Variants in PRP4K observed in about 807,000 individuals in gnomAD.
The protein encoded by PRP4K is pre-mRNA processing factor kinase PRP4K.
chr6:4,048,605 A>G, the PRP4K span, among the ~76,000 whole-genome samples: 1 of 151,940 alleles, frequency 6.6e-6, no homozygotes, highest in African/African-American at 2.4e-5. Flanking sequence ...GTCCTAGACT[A>G]AAGTGCAGAG....
the PRP4K span, among the ~76,000 whole-genome samples, chr6:4,047,901 TACACACACACACACACACACACAC>T: frequency 2.1e-5 from 3 of 142,004 alleles, no homozygotes; most frequent in Non-Finnish European, 4.6e-5. Flanking sequence ...CATGTATATG[TACACACACACACACACACACACAC>T]ACACACACAC....
the PRP4K span, chr6:4,049,917 G>T: frequency 6.3e-7 from 1 of 1,588,654 alleles, no homozygotes; most frequent in Non-Finnish European, 8.6e-7. Flanking sequence ...TTAACAGTAC[G>T]GATACTTACA....
the PRP4K span, chr6:4,052,002 T>C: frequency 1.9e-6 from 3 of 1,599,212 alleles, no homozygotes; most frequent in South Asian, 1.1e-5. Flanking sequence ...AAAAACTTAA[T>C]GATGCTGATC....
the PRP4K span, among the ~76,000 whole-genome samples, chr6:4,022,672 A>G: frequency 6.6e-6 from 1 of 152,188 alleles, no homozygotes; most frequent in Non-Finnish European, 1.5e-5. Context: ...GGAATTTTTA[A>G]TTAAGGGCTT....
the PRP4K span, chr6:4,056,575 C>T: frequency 2.5e-6 from 4 of 1,596,226 alleles, no homozygotes; most frequent in Non-Finnish European, 2.6e-6. Context: ...CAAGTTCATC[C>T]TCCTCAGGTG....
the PRP4K span, chr6:4,052,049 A>G: frequency 6.2e-7 from 1 of 1,603,524 alleles, no homozygotes; most frequent in African/African-American, 1.3e-5. Context: ...CTCTTCAGGC[A>G]CTTCTATCAC....
chr6:4,045,459 T>C, the PRP4K span, among the ~76,000 whole-genome samples: 2 of 152,210 alleles, frequency 1.3e-5, no homozygotes, highest in Non-Finnish European at 2.9e-5. Context: ...GAAATGCCAT[T>C]TAGACATCAC....
chr6:4,057,711 A>C, the PRP4K span, among the ~76,000 whole-genome samples: 1 of 150,748 alleles, frequency 6.6e-6, no homozygotes, highest in South Asian at 2.1e-4. Context: ...TGAAGCAAGA[A>C]TGTAAGCATT....
At chr6:4,041,265 CTTTGAG>C in the PRP4K span, among the ~76,000 whole-genome samples, 1 of 152,176 alleles carries the variant, frequency 6.6e-6, no homozygotes, top group South Asian at 2.1e-4. Context: ...AAGTTTAGAA[CTTTGAG>C]TTTGTGTTAG....
At chr6:4,035,708 C>G in the PRP4K span, among the ~76,000 whole-genome samples, 1 of 152,118 alleles carries the variant, frequency 6.6e-6, no homozygotes, top group Non-Finnish European at 1.5e-5. Context: ...TGGCTCACGC[C>G]TGTGTTCCAG....
chr6:4,031,225 T>G, the PRP4K span, among the ~76,000 whole-genome samples: 106,481 of 152,076 alleles, frequency 0.7, 37,373 homozygotes, highest in East Asian at 0.77. Flanking sequence ...TGGCTTCTTG[T>G]ACTAAATCAA....
the PRP4K span, chr6:4,031,552 T>C: frequency 6.6e-7 from 1 of 1,507,874 alleles, no homozygotes; most frequent in Admixed American, 2.3e-5. Context: ...GTTTGATATA[T>C]TTATAGGATG....
the PRP4K span, chr6:4,062,781 GAGTGAAGCCTTTTAA>G: frequency 4.6e-5 from 7 of 152,692 alleles, no homozygotes; most frequent in East Asian, 1.4e-3. This position sits in a 1 kb window ranked among gnomAD's most constrained non-coding sequence, Gnocchi z 4.2. Context: ...TCTTCAGGTA[GAGTGAAGCCTTTTAA>G]TTAAGGCGTC....
At chr6:4,044,484 A>T in the PRP4K span, among the ~76,000 whole-genome samples, 1 of 152,166 alleles carries the variant, frequency 6.6e-6, no homozygotes, top group Non-Finnish European at 1.5e-5. Flanking sequence ...TGGTGTCCTA[A>T]CAACCTCCAG....
the PRP4K span, among the ~76,000 whole-genome samples, chr6:4,036,732 G>A: frequency 6.6e-6 from 1 of 152,060 alleles, no homozygotes; most frequent in Non-Finnish European, 1.5e-5. Context: ...GGTCACACCT[G>A]TAACCTCAGC....
the PRP4K span, chr6:4,058,984 T>C: frequency 1.9e-5 from 10 of 521,842 alleles, no homozygotes; most frequent in East Asian, 3.3e-5. Flanking sequence ...GATGGAGGGA[T>C]TTTAAAATGT....
the PRP4K span, among the ~76,000 whole-genome samples, chr6:4,041,573 A>C: frequency 6.6e-6 from 1 of 152,146 alleles, no homozygotes; most frequent in East Asian, 1.9e-4. Context: ...AATAAATAAA[A>C]TGCAGACTTG....
the PRP4K span, among the ~76,000 whole-genome samples, chr6:4,028,590 T>C: frequency 6.6e-6 from 1 of 152,212 alleles, no homozygotes; most frequent in Non-Finnish European, 1.5e-5. Context: ...CTACTGTATT[T>C]GTCATGTGTC....
the PRP4K span, among the ~76,000 whole-genome samples, chr6:4,047,893 T>C: frequency 8.4e-5 from 11 of 131,410 alleles, 1 homozygote; most frequent in African/African-American, 3.1e-4. Flanking sequence ...TAAATAGTCA[T>C]GTATATGTAC....
Sources: gnomAD v4.1 joint callset for allele counts (sites outside exome capture counted in the v4.1 genomes callset) on GRCh38, gnomAD v4.1.1 for gene constraint, Gnocchi (gnomAD v3.1) non-coding constraint, MANE v1.5 for transcripts, NCBI Gene and HGNC (gene_info 2026-07-23, HGNC 2026-07-21) for gene names.